The following DAP variants were observed in gnomAD, a reference collection of about 807,000 sequenced individuals.
The protein encoded by DAP is death-associated protein 1.
A neutral mutation model predicts 13.8 loss-of-function variants in DAP; 8 were observed. The ratio of observed to expected loss-of-function variants is 0.58; its 90% CI spans 0.34 to 1.05. The LOEUF (loss-of-function observed/expected upper bound fraction) is 1.05, where lower values mean the gene tolerates loss of function less well. DAP is among the 50% of genes least tolerant of loss of function. DAP has a pLI of 0.03. For synonymous variants in DAP, 47 were observed against 47.5 expected (o/e 0.99, Z 0.04); for missense variants, 106 against 133.2 (o/e 0.80, Z 1.01).
At chr5:10,699,815 C>A (rs1738521829) in intron 2 of DAP, among the ~76,000 whole-genome samples, 1 of 152,244 alleles carries the variant, frequency 6.6e-6, no homozygotes, top group East Asian at 1.9e-4. Flanking sequence ...TCACTCCTTC[C>A]TGCTTCTCCC....
At chr5:10,713,949 G>A (rs774301646) in intron 2 of DAP, among the ~76,000 whole-genome samples, 16 of 152,196 alleles carry the variant, frequency 1.1e-4, no homozygotes, top group Non-Finnish European at 7.3e-5. Flanking sequence ...ATTAGGACTC[G>A]CAGCAAAGCA....
chr5:10,738,093 C>T (rs750022763), intron 2 of DAP, among the ~76,000 whole-genome samples: 16 of 152,222 alleles, frequency 1.1e-4, no homozygotes, highest in Non-Finnish European at 2.1e-4. Flanking sequence ...TCAGAAGCAA[C>T]CAACCTGCCA....
intron 1 of DAP, among the ~76,000 whole-genome samples, chr5:10,751,709 T>G (rs547921097): frequency 6.6e-6 from 1 of 152,214 alleles, no homozygotes; most frequent in African/African-American, 2.4e-5. Context: ...GGCTCTAATA[T>G]AATAGAAATG....
At chr5:10,728,741 A>C (rs56215829) in intron 2 of DAP, among the ~76,000 whole-genome samples, 13,457 of 152,202 alleles carry the variant, frequency 0.088, 812 homozygotes, top group African/African-American at 0.17. Context: ...CAGGGGGCTG[A>C]GGGGCTAACC....
chr5:10,711,254 T>C (rs1738844262), intron 2 of DAP, among the ~76,000 whole-genome samples: 1 of 152,228 alleles, frequency 6.6e-6, no homozygotes, highest in African/African-American at 2.4e-5. Context: ...TGGCTCCCAG[T>C]TGGTGGCTGA....
chr5:10,753,220 G>A lies in DAP; in HGVS notation c.56-4949C>T, dbSNP rs1010846241. ...ATCTTTCACTGCACAGCAGCCCCACGGAGTAGATCCTGAGGCAGGGAGAAG... is the reference window on the plus strand; with the variant it reads ...ATCTTTCACTGCACAGCAGCCCCACAGAGTAGATCCTGAGGCAGGGAGAAG... On this transcript the variant is annotated intron_variant, in intron 1 of 3. Transcript: ENST00000230895. Among the ~76,000 whole-genome samples the A allele has an allele frequency of 5.9e-5, 9 of 152,340 alleles. 1 individual carries two copies. The highest frequency in any genetic ancestry group is 1.9e-4 in the East Asian group (1 of 5,180).
At chr5:10,726,874 G>A (rs1043261873) in intron 2 of DAP, among the ~76,000 whole-genome samples, 4 of 152,202 alleles carry the variant, frequency 2.6e-5, no homozygotes, top group Non-Finnish European at 4.4e-5. Flanking sequence ...AGTCCCCACA[G>A]TGATGTGACA....
intron 1 of DAP, among the ~76,000 whole-genome samples, chr5:10,757,442 T>C (rs180729792): frequency 9.9e-5 from 15 of 152,146 alleles, no homozygotes; most frequent in African/African-American, 3.6e-4. Flanking sequence ...ACCCGACTAA[T>C]TTTGTATTTT....
intron 2 of DAP, among the ~76,000 whole-genome samples, chr5:10,736,137 A>G (rs1044126568): frequency 6.6e-6 from 1 of 152,192 alleles, no homozygotes; most frequent in Non-Finnish European, 1.5e-5. Context: ...AAGCTGCGAG[A>G]CAGGCCTGCG....
intron 2 of DAP, among the ~76,000 whole-genome samples, chr5:10,692,518 G>T (rs917379738): frequency 6.6e-6 from 1 of 152,130 alleles, no homozygotes; most frequent in Non-Finnish European, 1.5e-5. Flanking sequence ...CAAGTCTAAC[G>T]CTCTTCCACA....
intron 1 of DAP, among the ~76,000 whole-genome samples, chr5:10,751,877 G>A (rs1740055445): frequency 6.6e-6 from 1 of 152,174 alleles, no homozygotes; most frequent in Non-Finnish European, 1.5e-5. Context: ...CTCCCAAGCT[G>A]GGAGAAATAA....
intron 2 of DAP, among the ~76,000 whole-genome samples, chr5:10,725,168 T>TC (rs1739256353): frequency 6.6e-6 from 1 of 152,370 alleles, no homozygotes; most frequent in East Asian, 1.9e-4. Flanking sequence ...TTATTTTTTT[T>TC]CCACTTATCG....
intron 1 of DAP, among the ~76,000 whole-genome samples, chr5:10,749,645 A>G (rs1004040694): frequency 6.6e-6 from 1 of 152,144 alleles, no homozygotes; most frequent in African/African-American, 2.4e-5. Context: ...GGTTTCCCCA[A>G]GAGAGACCTT....
chr5:10,706,928 C>G (rs765244893), intron 2 of DAP, among the ~76,000 whole-genome samples: 1 of 152,134 alleles, frequency 6.6e-6, no homozygotes, highest in African/African-American at 2.4e-5. Flanking sequence ...ATCCTGTGTC[C>G]TCCCCTAATT....
In DAP at chr5:10,726,908, T is replaced by C. The variant is rs1416649279; in HGVS notation, c.152+21267A>G. Among the ~76,000 whole-genome samples, 4 of 152,132 alleles carry C rather than the reference T, an allele frequency of 2.6e-5. No individual in the cohort carries two copies. The South Asian group carries it at 6.2e-4, about 24-fold the overall frequency. On this transcript the variant is annotated intron_variant, in intron 2 of 3. Transcript: ENST00000230895. ...CATGGTGAGGGCCAAGTGTCACTTA[T>C]GCATGTAGTGGAATCATCACAGAAG...
rs1324832995 is a variant in DAP, at chr5:10,748,173, A to C, written c.152+2T>G. 4 of 1,607,170 alleles carry C rather than the reference A, an allele frequency of 2.5e-6. No individual in the cohort carries two copies. In the African/African-American group the frequency reaches 5.4e-5, roughly 22 times the overall value. ...GCTCAAGAGTCGCTAGCATCATCCC[A>C]CCTGGGGCTTTCCCATTCCTGGTCA... is the stretch of plus-strand genomic sequence containing the variant. On this transcript the variant is annotated splice_donor_variant, in intron 2 of 3. Transcript: ENST00000230895. LOFTEE classifies it high-confidence loss of function.
chr5:10,698,282 C>CAA (rs71613386), intron 2 of DAP, among the ~76,000 whole-genome samples: 8,736 of 41,790 alleles, frequency 0.21, 1,152 homozygotes, highest in East Asian at 0.32. Flanking sequence ...CCAGACTTAG[C>CAA]AAAAAAAAAA....
At chr5:10,693,810 A>G (rs1738368267) in intron 2 of DAP, among the ~76,000 whole-genome samples, 1 of 152,238 alleles carries the variant, frequency 6.6e-6, no homozygotes. Context: ...AGACAGTACA[A>G]TATATTCAAA....
chr5:10,683,407 AGAG>A, intron 3 of DAP, 119 bp downstream of exon 3: 4 of 969,736 alleles, frequency 4.1e-6, no homozygotes, highest in Non-Finnish European at 6.7e-6. Flanking sequence ...CCATGGCCAC[AGAG>A]GAGATGAGCA....
Sources: allele counts gnomAD v4.1 joint callset (sites outside exome capture counted in the v4.1 genomes callset), GRCh38; gene constraint gnomAD v4.1.1; transcripts MANE v1.5; gene names NCBI Gene and HGNC (gene_info 2026-07-23, HGNC 2026-07-21).